The following PRTG variants were observed in gnomAD, a reference collection of about 807,000 sequenced individuals.
PRTG encodes the protein immunoglobulin superfamily, DCC subclass, member 5.
Under a neutral mutation model 122.5 loss-of-function variants are expected in PRTG, and 67 were observed. The ratio of observed to expected loss-of-function variants is 0.55; its 90% CI spans 0.45 to 0.67. The LOEUF (loss-of-function observed/expected upper bound fraction) is 0.67, where lower values mean the gene tolerates loss of function less well. Ranked by LOEUF, PRTG falls within the 30% of genes least tolerant of loss-of-function variation. The pLI is 0.00. For missense variants in PRTG, 1,435 were observed against 1,415.4 expected, an observed-to-expected ratio of 1.01 and a Z score of -0.22; for synonymous variants, 554 against 501.1, an observed-to-expected ratio of 1.11 and a Z score of -1.41.
intron 5 of PRTG, 73 bp downstream of exon 5, chr15:55,680,418 C>T (rs2059531073): frequency 2.8e-6 from 4 of 1,415,430 alleles, no homozygotes; most frequent in Non-Finnish European, 1.9e-6. Flanking sequence ...ATAAAATAAA[C>T]ATTTTATAAA....
intron 11 of PRTG, among the ~76,000 whole-genome samples, chr15:55,668,291 C>A (rs1383111837): frequency 6.6e-6 from 1 of 152,078 alleles, no homozygotes; most frequent in Non-Finnish European, 1.5e-5. Flanking sequence ...AAAAATCTGC[C>A]CCTTTTCATC....
chr15:55,660,028 A>AAC (rs2059401148), intron 11 of PRTG, among the ~76,000 whole-genome samples: 1 of 152,210 alleles, frequency 6.6e-6, no homozygotes, highest in Non-Finnish European at 1.5e-5. Flanking sequence ...AATTTTTTCT[A>AAC]ACACACATAC....
intron 2 of PRTG, among the ~76,000 whole-genome samples, chr15:55,701,845 C>T (rs1345983951): frequency 6.6e-6 from 1 of 152,106 alleles, no homozygotes; most frequent in Non-Finnish European, 1.5e-5. Context: ...AGAAGCAAGA[C>T]ACAGAAGGTT....
In PRTG at chr15:55,726,904, C is replaced by T. The variant is rs962715329; in HGVS notation, c.397+13478G>A. 4.7e-5 allele frequency among the ~76,000 whole-genome samples: 7 copies of T among 149,740 alleles called. No homozygotes were observed. The East Asian group carries it at 9.7e-4, about 21-fold the overall frequency. ...CAGAGTTTGCAGTGAGCCGAGATCACGCCACTGCATTCCAGCCCAGGCAAC... is the reference window on the plus strand; with the variant it reads ...CAGAGTTTGCAGTGAGCCGAGATCATGCCACTGCATTCCAGCCCAGGCAAC... On this transcript the variant is annotated intron_variant, in intron 2 of 19. Coordinates refer to ENST00000389286, the MANE Select transcript of PRTG (RefSeq NM_173814.6).
intron 11 of PRTG, among the ~76,000 whole-genome samples, chr15:55,654,615 T>C (rs1461891944): frequency 1.3e-5 from 2 of 152,338 alleles, no homozygotes; most frequent in South Asian, 4.1e-4. Context: ...ACTTGACTCA[T>C]GCTACTGTAC....
At chr15:55,732,157 T>C (rs1286315596) in intron 2 of PRTG, among the ~76,000 whole-genome samples, 3 of 152,228 alleles carry the variant, frequency 2.0e-5, no homozygotes, top group Non-Finnish European at 4.4e-5. Flanking sequence ...ATTGTTTGAC[T>C]GGAATGTTGT....
chr15:55,672,377 C>T (rs780940202), intron 11 of PRTG, 68 bp downstream of exon 11: 5 of 1,263,562 alleles, frequency 4.0e-6, no homozygotes, highest in Non-Finnish European at 5.6e-6. Context: ...GCTTTAGATC[C>T]AATAACTTTT....
chr15:55,639,871 T>G, intron 12 of PRTG, 43 bp from the exon 13 acceptor site: 1 of 1,601,920 alleles, frequency 6.2e-7, no homozygotes, highest in Non-Finnish European at 8.5e-7. Context: ...GACATAACAT[T>G]TTAACATAGA....
chr15:55,731,027 A>T lies in PRTG; in HGVS notation c.397+9355T>A, dbSNP rs566811644. Among the ~76,000 whole-genome samples the T allele has an allele frequency of 3.3e-5, 5 of 152,346 alleles. No individual in the cohort carries two copies. In the South Asian group the frequency reaches 8.3e-4, roughly 25 times the overall value. On this transcript the variant is annotated intron_variant, in intron 2 of 19. Transcript: ENST00000389286. The stretch of plus-strand genomic sequence containing the variant: ...TCTATTGACTACAGAGTAAGTTTTA[A>T]GGAATCTTAAATTTCTCTCCTCAAA...
At chr15:55,676,858 T>C (rs2059505595) in intron 8 of PRTG, among the ~76,000 whole-genome samples, 1 of 152,190 alleles carries the variant, frequency 6.6e-6, no homozygotes, top group East Asian at 1.9e-4. Flanking sequence ...TTCATTCTTC[T>C]TGCTTCCATG....
At chr15:55,647,209 G>A (rs1470185434) in intron 11 of PRTG, among the ~76,000 whole-genome samples, 1 of 152,086 alleles carries the variant, frequency 6.6e-6, no homozygotes. Flanking sequence ...GAACCCAGGA[G>A]GCAGCTGTTG....
intron 2 of PRTG, among the ~76,000 whole-genome samples, chr15:55,739,760 A>T (rs1271674305): frequency 6.6e-6 from 1 of 152,220 alleles, no homozygotes; most frequent in African/African-American, 2.4e-5. Context: ...AGCACACTTT[A>T]TGACAAAAGG....
intron 11 of PRTG, among the ~76,000 whole-genome samples, chr15:55,647,306 A>G (rs1442938796): frequency 6.6e-6 from 1 of 152,200 alleles, no homozygotes; most frequent in African/African-American, 2.4e-5. Context: ...AGTCAGAGCC[A>G]GAAGTCTGGC....
chr15:55,674,742 AAG>A (rs1332365622), intron 9 of PRTG, among the ~76,000 whole-genome samples: 1 of 152,174 alleles, frequency 6.6e-6, no homozygotes, highest in Non-Finnish European at 1.5e-5. Context: ...TTTAAAAACT[AAG>A]AGCAGATCAT....
At chr15:55,727,179 A>AT (rs1469614642) in intron 2 of PRTG, among the ~76,000 whole-genome samples, 7 of 152,062 alleles carry the variant, frequency 4.6e-5, no homozygotes, top group Admixed American at 3.9e-4. Context: ...GATAAATGAA[A>AT]TAAAAAAAAC....
At position 55,673,352 on chromosome 15, in the gene PRTG, A is replaced by C; in HGVS notation, c.1852+19T>G. 6.4e-7 allele frequency: 1 copy of C among 1,568,012 alleles called. No homozygotes were observed. Among genetic ancestry groups the C allele is most frequent in the Non-Finnish European group, 8.7e-7 (1 of 1,144,476 alleles). On this transcript the variant is annotated intron_variant, in intron 10 of 19. Transcript: ENST00000389286. ...AAAGTAAAAATACTGTATTTTCTTA[A>C]CAGTCTTCAGAAATTCACCTTTCAC...
At chr15:55,629,364 T>TA (rs2059212811) in intron 15 of PRTG, among the ~76,000 whole-genome samples, 1 of 23,874 alleles carries the variant, frequency 4.2e-5, no homozygotes, top group Non-Finnish European at 7.3e-5. Flanking sequence ...GCTTTGTATA[T>TA]ATATATATAT....
intron 2 of PRTG, among the ~76,000 whole-genome samples, chr15:55,692,146 T>C (rs984667607): frequency 6.6e-6 from 1 of 152,252 alleles, no homozygotes; most frequent in African/African-American, 2.4e-5. Flanking sequence ...CAAATCTCTT[T>C]TTTAAAAACA....
chr15:55,737,903 T>C (rs1300463398), intron 2 of PRTG, among the ~76,000 whole-genome samples: 1 of 150,786 alleles, frequency 6.6e-6, no homozygotes, highest in Admixed American at 6.6e-5. Context: ...ACCCTGCTGC[T>C]ATCAATACCT....
Sources: allele counts gnomAD v4.1 joint callset (sites outside exome capture counted in the v4.1 genomes callset), GRCh38; gene constraint gnomAD v4.1.1; transcripts MANE v1.5; gene names NCBI Gene and HGNC (gene_info 2026-07-23, HGNC 2026-07-21).